The following CNST variants were observed in gnomAD, a reference collection of about 807,000 sequenced individuals.
CNST encodes consortin, connexin sorting protein.
CNST carries 39 observed loss-of-function variants against 72.4 expected under a neutral mutation model. The ratio of observed to expected loss-of-function variants is 0.54; its 90% CI spans 0.42 to 0.70. The LOEUF (loss-of-function observed/expected upper bound fraction) is 0.70, where lower values mean the gene tolerates loss of function less well. CNST is among the 30% of genes least tolerant of loss of function. The pLI is 0.00. For missense variants in CNST, 871 were observed against 868.5 expected (o/e 1.00, Z -0.04); for synonymous variants, 332 against 320.1 (o/e 1.04, Z -0.40).
chr1:246,634,437 A>G (rs903952032), intron 5 of CNST, 36 bp from the exon 6 acceptor site: 9 of 1,273,768 alleles, frequency 7.1e-6, no homozygotes, highest in East Asian at 4.8e-5. Context: ...AATATGTTTT[A>G]TAAGAGCCAG....
chr1:246,648,649 G>T (rs905036697), intron 9 of CNST, among the ~76,000 whole-genome samples: 1 of 152,148 alleles, frequency 6.6e-6, no homozygotes, highest in Non-Finnish European at 1.5e-5. Flanking sequence ...GCACACTCAC[G>T]AAGGCGGCCT....
At chr1:246,611,869 A>G (rs1663337300) in intron 2 of CNST, among the ~76,000 whole-genome samples, 1 of 152,256 alleles carries the variant, frequency 6.6e-6, no homozygotes, top group Non-Finnish European at 1.5e-5. Context: ...AAGATGTAGT[A>G]TATACATATA....
intron 5 of CNST, 49 bp from the exon 6 acceptor site, chr1:246,634,424 C>T (rs1438923445): frequency 4.4e-6 from 5 of 1,142,372 alleles, no homozygotes; most frequent in East Asian, 4.9e-5. Flanking sequence ...TTTTTTGCTC[C>T]TAAATATGTT....
intron 1 of CNST, among the ~76,000 whole-genome samples, chr1:246,587,531 G>T (rs749863372): frequency 6.6e-6 from 1 of 152,226 alleles, no homozygotes; most frequent in African/African-American, 2.4e-5. Flanking sequence ...TCTGTTGGTT[G>T]TGGCTTAAAA....
At chr1:246,649,821 T>A (rs1160551612) in intron 9 of CNST, among the ~76,000 whole-genome samples, 1 of 150,210 alleles carries the variant, frequency 6.7e-6, no homozygotes, top group African/African-American at 2.5e-5. Flanking sequence ...CTGGATAAAT[T>A]TCTATCATCT....
At chr1:246,610,268 G>A (rs377055265) in intron 2 of CNST, among the ~76,000 whole-genome samples, 6 of 152,224 alleles carry the variant, frequency 3.9e-5, no homozygotes, top group African/African-American at 1.2e-4. Context: ...GCAATGGAGC[G>A]AGACTCCGTC....
intron 2 of CNST, among the ~76,000 whole-genome samples, chr1:246,605,446 G>A (rs1303265696): frequency 3.9e-5 from 6 of 152,230 alleles, no homozygotes; most frequent in Non-Finnish European, 5.9e-5. Flanking sequence ...CCGGGAGCGC[G>A]CCAACAGACA....
chr1:246,630,269 A>G (rs1664695705), intron 3 of CNST, among the ~76,000 whole-genome samples: 1 of 152,226 alleles, frequency 6.6e-6, no homozygotes. Context: ...ACACCATTAT[A>G]TGAAATTCTC....
chr1:246,652,958 T>G (rs377245631), intron 9 of CNST, among the ~76,000 whole-genome samples: 6 of 150,680 alleles, frequency 4.0e-5, no homozygotes, highest in Non-Finnish European at 8.9e-5. Context: ...GAGCCGAGAT[T>G]GCACCACTGC....
chr1:246,648,016 C>A lies in CNST; in HGVS notation c.1815C>A (p.Ala605=). 1 of 1,611,150 alleles carries A rather than the reference C, an allele frequency of 6.2e-7. No individual in the cohort carries two copies. Among genetic ancestry groups the A allele is most frequent in the South Asian group, 1.1e-5 (1 of 90,532 alleles). ...DESCLSLDDL[A]KRIEIAEVVP... ...GCTGTCTTTCTCTTGATGATCTTGC[C>A]AAAAGGATAGAGATTGCAGAGGTAA... Residue 605 remains alanine (A), a synonymous_variant, in exon 9 of 11, where the codon GCC becomes GCA. Coordinates refer to ENST00000366513, the MANE Select transcript of CNST (RefSeq NM_152609.3).
intron 2 of CNST, among the ~76,000 whole-genome samples, chr1:246,598,012 G>T (rs1273207850): frequency 6.6e-6 from 1 of 151,930 alleles, no homozygotes; most frequent in African/African-American, 2.4e-5. Context: ...ACAGGATTTT[G>T]TTCTGTCACC....
chr1:246,625,414 CTTTTTTTTTTTT>C (rs61588900), intron 3 of CNST, among the ~76,000 whole-genome samples: 22 of 56,108 alleles, frequency 3.9e-4, no homozygotes, highest in Admixed American at 1.7e-3. Context: ...TTATTTCTTT[CTTTTTTTTTTTT>C]TTTTTTTTTT....
rs753968663 is a variant in CNST, at chr1:246,660,265, G to T, written c.1903G>T (p.Ala635Ser). Residue 635 changes from alanine (A) to serine (S), a missense_variant, in exon 10 of 11, where the codon GCC (alanine) becomes TCC (serine). By Grantham distance (99) the Ala-to-Ser change is moderately conservative (BLOSUM62 1). Transcript: ENST00000366513. ...GAATGATACTGTAGGAGATCATCCT[G>T]CCCAAATGCAACACAAACCATCTAA... ...KRNDTVGDHP[A>S]QMQHKPSKRR... 5 of 1,613,566 alleles carry T rather than the reference G, an allele frequency of 3.1e-6. No individual in the cohort carries two copies. In the East Asian group the frequency reaches 6.7e-5, roughly 22 times the overall value.
rs117982247 is a variant in CNST, at chr1:246,611,877, A to G, written c.380-9552A>G. Among the ~76,000 whole-genome samples the G allele has an allele frequency of 1.6e-4, 25 of 152,374 alleles. No individual in the cohort carries two copies. In the East Asian group the frequency reaches 4.6e-3, roughly 28 times the overall value. ...GATAAACAAGATGTAGTATATACATATAATGAAATGTTCAGATTTAAAAAG... is the reference window on the plus strand; with the variant it reads ...GATAAACAAGATGTAGTATATACATGTAATGAAATGTTCAGATTTAAAAAG... On this transcript the variant is annotated intron_variant, in intron 2 of 10. Transcript: ENST00000366513.
At chr1:246,585,665 AT>A (rs1661110416) in intron 1 of CNST, among the ~76,000 whole-genome samples, 1 of 27,132 alleles carries the variant, frequency 3.7e-5, no homozygotes, top group African/African-American at 1.2e-4. Context: ...AAAAAAAAAT[AT>A]ACACACACAC....
At chr1:246,648,612 A>G (rs1245848539) in intron 9 of CNST, among the ~76,000 whole-genome samples, 1 of 152,210 alleles carries the variant, frequency 6.6e-6, no homozygotes, top group African/African-American at 2.4e-5. Context: ...TGGAAAAAGA[A>G]AAGATAAAAG....
intron 2 of CNST, among the ~76,000 whole-genome samples, chr1:246,615,668 C>T (rs1420700680): frequency 2.6e-5 from 4 of 151,100 alleles, no homozygotes; most frequent in Non-Finnish European, 5.9e-5. Flanking sequence ...CACCTGAGGT[C>T]GGGAGTTCAA....
intron 6 of CNST, among the ~76,000 whole-genome samples, chr1:246,640,296 AATGT>A (rs1665601664): frequency 6.6e-6 from 1 of 152,200 alleles, no homozygotes; most frequent in Admixed American, 6.5e-5. Flanking sequence ...TCAACTTGCT[AATGT>A]TTATGTGTTG....
At chr1:246,566,699 C>G (rs1432355112) in intron 1 of CNST, 36 bp downstream of exon 1, 4 of 399,794 alleles carry the variant, frequency 1.0e-5, no homozygotes, top group Non-Finnish European at 1.8e-5. Context: ...GGGGACCCGC[C>G]GGCTCGCGGC....
Sources: allele counts gnomAD v4.1 joint callset (sites outside exome capture counted in the v4.1 genomes callset), GRCh38; gene constraint gnomAD v4.1.1; transcripts MANE v1.5; gene names NCBI Gene and HGNC (gene_info 2026-07-23, HGNC 2026-07-21).